The following AFG2A variants were observed in gnomAD, a reference collection of about 807,000 sequenced individuals.
The protein encoded by AFG2A is AAA ATPase AFG2A.
the AFG2A span, chr4:122,923,177 A>T: frequency 6.2e-7 from 1 of 1,614,248 alleles, no homozygotes; most frequent in Non-Finnish European, 8.5e-7. Flanking sequence ...CGGTTGAACC[A>T]AAGCGCGGAA....
the AFG2A span, chr4:122,947,398 C>T: frequency 2.5e-6 from 4 of 1,614,066 alleles, no homozygotes; most frequent in Non-Finnish European, 3.4e-6. Flanking sequence ...AAGGGTACCC[C>T]ATTTGCTCAC....
chr4:123,145,566 C>A, the AFG2A span, among the ~76,000 whole-genome samples: 2 of 152,072 alleles, frequency 1.3e-5, no homozygotes, highest in African/African-American at 4.8e-5. Flanking sequence ...AAAACTTCCA[C>A]AAAGTTAGTA....
the AFG2A span, among the ~76,000 whole-genome samples, chr4:123,152,348 A>G: frequency 0.037 from 5,576 of 152,270 alleles, 342 homozygotes; most frequent in African/African-American, 0.13. Flanking sequence ...GGGGGAGAAT[A>G]TTTGCAAAAG....
At chr4:123,177,092 A>T in the AFG2A span, among the ~76,000 whole-genome samples, 1 of 152,090 alleles carries the variant, frequency 6.6e-6, no homozygotes, top group Non-Finnish European at 1.5e-5. Context: ...AGTTTATTAT[A>T]TCTTAAGGAA....
chr4:123,036,952 T>C, the AFG2A span, among the ~76,000 whole-genome samples: 2 of 152,112 alleles, frequency 1.3e-5, no homozygotes, highest in Admixed American at 6.6e-5. Context: ...AATTTTCAAG[T>C]TCCTTTACTC....
the AFG2A span, among the ~76,000 whole-genome samples, chr4:123,107,685 C>T: frequency 6.6e-6 from 1 of 152,196 alleles, no homozygotes; most frequent in Non-Finnish European, 1.5e-5. Flanking sequence ...CATCCATGGC[C>T]CCCAGGCTGT....
chr4:123,109,073 G>T, the AFG2A span, among the ~76,000 whole-genome samples: 1 of 152,106 alleles, frequency 6.6e-6, no homozygotes, highest in African/African-American at 2.4e-5. Context: ...AGTGATTTGG[G>T]TAAAGACAGA....
At chr4:123,317,887 TGAATA>T in the AFG2A span, 1 of 152,126 alleles carries the variant, frequency 6.6e-6, no homozygotes, top group African/African-American at 2.4e-5. Context: ...GAAGAATAAA[TGAATA>T]GAAAAGAAAA....
At chr4:123,028,246 GA>G in the AFG2A span, 1 of 1,614,092 alleles carries the variant, frequency 6.2e-7, no homozygotes, top group Non-Finnish European at 8.5e-7. Context: ...ACAGGCTGTG[GA>G]ATGGCCCTTA....
At chr4:123,252,457 C>A in the AFG2A span, among the ~76,000 whole-genome samples, 2 of 149,804 alleles carry the variant, frequency 1.3e-5, no homozygotes, top group Non-Finnish European at 3.0e-5. Context: ...AATAAGTATT[C>A]TTTCTCTTAC....
the AFG2A span, among the ~76,000 whole-genome samples, chr4:123,118,339 T>TATAATA: frequency 5.3e-5 from 5 of 94,844 alleles, no homozygotes; most frequent in East Asian, 3.7e-4. Context: ...AATATATATA[T>TATAATA]TATATTATAT....
the AFG2A span, among the ~76,000 whole-genome samples, chr4:123,168,861 T>C: frequency 3.9e-4 from 60 of 152,356 alleles, no homozygotes; most frequent in South Asian, 1.9e-3. Context: ...AGTTAGAAGC[T>C]AATTGTAGGT....
chr4:123,199,184 T>C, the AFG2A span, among the ~76,000 whole-genome samples: 1 of 152,100 alleles, frequency 6.6e-6, no homozygotes, highest in South Asian at 2.1e-4. Context: ...GGTCAGTAAA[T>C]AGATGATATA....
chr4:122,929,092 G>A, the AFG2A span: 1 of 1,613,966 alleles, frequency 6.2e-7, no homozygotes, highest in South Asian at 1.1e-5. Context: ...GTCGGCCTGA[G>A]TGAAATGGCA....
At chr4:123,281,683 C>T in the AFG2A span, among the ~76,000 whole-genome samples, 1 of 151,796 alleles carries the variant, frequency 6.6e-6, no homozygotes, top group Admixed American at 6.6e-5. Context: ...GAACAGAAAC[C>T]ACCAAGATGT....
the AFG2A span, chr4:122,934,744 A>T: frequency 6.5e-7 from 1 of 1,547,922 alleles, no homozygotes; most frequent in Non-Finnish European, 8.7e-7. Flanking sequence ...TTATGGTATG[A>T]TGTCTTCAGT....
chr4:123,155,497 A>G, the AFG2A span, among the ~76,000 whole-genome samples: 1 of 152,076 alleles, frequency 6.6e-6, no homozygotes, highest in Non-Finnish European at 1.5e-5. Context: ...ATTTTTTAGT[A>G]TATGCAATTG....
chr4:123,061,160 C>G, the AFG2A span, among the ~76,000 whole-genome samples: 1 of 152,148 alleles, frequency 6.6e-6, no homozygotes, highest in African/African-American at 2.4e-5. Context: ...TCTTCTGAGC[C>G]CTCCAAGTCT....
At chr4:122,971,893 T>A in the AFG2A span, among the ~76,000 whole-genome samples, 1 of 152,178 alleles carries the variant, frequency 6.6e-6, no homozygotes, top group South Asian at 2.1e-4. Context: ...ATTTTGTAAT[T>A]CTTTTTAATG....
Sources: gnomAD v4.1 joint callset for allele counts (sites outside exome capture counted in the v4.1 genomes callset) on GRCh38, gnomAD v4.1.1 for gene constraint, MANE v1.5 for transcripts, NCBI Gene and HGNC (gene_info 2026-07-23, HGNC 2026-07-21) for gene names.